LOC728743: variants seen among roughly 807,000 people sequenced by gnomAD.
the LOC728743 span, chr7:150,410,583 G>T: frequency 5.2e-6 from 1 of 192,072 alleles, no homozygotes; most frequent in Non-Finnish European, 1.1e-5. Flanking sequence ...GGCAGACCTG[G>T]TTCTAGAGGC....
At chr7:150,409,171 G>A in the LOC728743 span, among the ~76,000 whole-genome samples, 1 of 148,800 alleles carries the variant, frequency 6.7e-6, no homozygotes, top group African/African-American at 2.5e-5. Context: ...TTCAGTGACT[G>A]TCTCCAGGTG....
At chr7:150,406,424 T>A in the LOC728743 span, among the ~76,000 whole-genome samples, 1 of 152,032 alleles carries the variant, frequency 6.6e-6, no homozygotes, top group Non-Finnish European at 1.5e-5. Flanking sequence ...CTGTGACGGC[T>A]GGGATGGTGG....
the LOC728743 span, among the ~76,000 whole-genome samples, chr7:150,401,548 T>C: frequency 6.6e-6 from 1 of 152,220 alleles, no homozygotes; most frequent in South Asian, 2.1e-4. Context: ...AAAAACAGTG[T>C]GTTCTCACAT....
At chr7:150,407,794 A>G in the LOC728743 span, 1 of 403,652 alleles carries the variant, frequency 2.5e-6, no homozygotes. Flanking sequence ...CGCACGCCGG[A>G]GCGGGCCGCG....
At chr7:150,401,296 G>A in the LOC728743 span, among the ~76,000 whole-genome samples, 1 of 152,324 alleles carries the variant, frequency 6.6e-6, no homozygotes, top group East Asian at 1.9e-4. Context: ...CTCATTGAGA[G>A]GGTTTGGTGT....
chr7:150,408,196 G>A, the LOC728743 span: 12 of 392,360 alleles, frequency 3.1e-5, no homozygotes, highest in East Asian at 3.6e-5. Flanking sequence ...CCGAGGGCCA[G>A]GCGGCCCACT....
chr7:150,407,349 T>C, the LOC728743 span, among the ~76,000 whole-genome samples: 1 of 152,096 alleles, frequency 6.6e-6, no homozygotes, highest in Non-Finnish European at 1.5e-5. Flanking sequence ...GGAAGGCTTC[T>C]AGGAGAAGGT....
the LOC728743 span, chr7:150,404,454 A>G: frequency 6.6e-6 from 1 of 152,034 alleles, no homozygotes; most frequent in Non-Finnish European, 1.5e-5. Context: ...GGAGGAAGCC[A>G]CTCTGTGTTT....
chr7:150,404,534 G>A, the LOC728743 span: 1 of 152,236 alleles, frequency 6.6e-6, no homozygotes, highest in African/African-American at 2.4e-5. Context: ...GTTATTGGAA[G>A]GTTCCCACGA....
At chr7:150,405,445 C>T in the LOC728743 span, 1 of 151,962 alleles carries the variant, frequency 6.6e-6, no homozygotes, top group African/African-American at 2.4e-5. Context: ...CGCGCAGGTC[C>T]TTTCCGGGAG....
chr7:150,408,249 C>G, the LOC728743 span: 1 of 385,650 alleles, frequency 2.6e-6, no homozygotes, highest in Non-Finnish European at 4.6e-6. Context: ...CTGCCGACGG[C>G]TGCTTCCCGC....
At chr7:150,403,312 G>A in the LOC728743 span, among the ~76,000 whole-genome samples, 2 of 152,180 alleles carry the variant, frequency 1.3e-5, no homozygotes, top group East Asian at 3.9e-4. This position sits in a 1 kb window ranked among gnomAD's most constrained non-coding sequence, Gnocchi z 5.1. Context: ...TCCCCGCTGA[G>A]ACAGGGCAGG....
chr7:150,406,815 G>A, the LOC728743 span, among the ~76,000 whole-genome samples: 1 of 152,186 alleles, frequency 6.6e-6, no homozygotes, highest in East Asian at 1.9e-4. Flanking sequence ...GAGGAATCAC[G>A]CTGAGACCAG....
chr7:150,407,322 C>T, the LOC728743 span, among the ~76,000 whole-genome samples: 48,437 of 151,890 alleles, frequency 0.32, 8,162 homozygotes, highest in East Asian at 0.56. Flanking sequence ...TGTTTAAGCC[C>T]GGGGTGGAAA....
At chr7:150,411,863 C>A in the LOC728743 span, 1 of 152,908 alleles carries the variant, frequency 6.5e-6, no homozygotes, top group Non-Finnish European at 1.5e-5. Flanking sequence ...TGTGCCTTCC[C>A]CTATACTGCT....
At chr7:150,410,014 G>A in the LOC728743 span, 2 of 396,928 alleles carry the variant, frequency 5.0e-6, no homozygotes, top group African/African-American at 2.1e-5. Context: ...GCAGTGCTTG[G>A]TAGGGGACAA....
the LOC728743 span, among the ~76,000 whole-genome samples, chr7:150,406,091 AAAAG>A: frequency 6.6e-6 from 1 of 152,122 alleles, no homozygotes; most frequent in Non-Finnish European, 1.5e-5. Flanking sequence ...CTGCCTGTGG[AAAAG>A]ACTTGTGGGT....
chr7:150,404,585 T>C, the LOC728743 span: 2 of 152,418 alleles, frequency 1.3e-5, no homozygotes, highest in East Asian at 1.9e-4. Context: ...GGCAAAGTTA[T>C]GTCCGAGTAA....
chr7:150,407,731 G>A, the LOC728743 span: 4 of 399,610 alleles, frequency 1.0e-5, no homozygotes, highest in Non-Finnish European at 1.8e-5. Context: ...ACCGCTGCCC[G>A]CTGTGCGGCC....
Sources: allele counts gnomAD v4.1 joint callset (sites outside exome capture counted in the v4.1 genomes callset), GRCh38; gene constraint gnomAD v4.1.1; non-coding constraint Gnocchi (gnomAD v3.1); transcripts MANE v1.5.